The following ZBTB20 variants were observed in gnomAD, a reference collection of about 807,000 sequenced individuals.
ZBTB20 encodes zinc finger and BTB domain-containing protein 20.
Under a neutral mutation model 56.9 loss-of-function variants are expected in ZBTB20, and 9 were observed. The observed-to-expected ratio is 0.16, with a 90% confidence interval of 0.10 to 0.28. ZBTB20 has a LOEUF of 0.28. Ranked by LOEUF, ZBTB20 falls within the 10% of genes least tolerant of loss-of-function variation. The pLI is 1.00. For synonymous variants in ZBTB20, 417 were observed against 420.7 expected (o/e 0.99, Z 0.11); for missense variants, 655 against 1,003.0 (o/e 0.65, Z 4.69).
At chr3:114,815,272 A>G (rs1160216526) in intron 4 of ZBTB20, among the ~76,000 whole-genome samples, 3 of 152,222 alleles carry the variant, frequency 2.0e-5, no homozygotes, top group Non-Finnish European at 4.4e-5. Context: ...GGCTATACAT[A>G]ACACATTTTT....
At chr3:114,447,358 G>A (rs2091332923) in intron 7 of ZBTB20, among the ~76,000 whole-genome samples, 2 of 152,170 alleles carry the variant, frequency 1.3e-5, no homozygotes, top group African/African-American at 4.8e-5. Context: ...TAGCTTGGAA[G>A]ATTTGCAATG....
intron 4 of ZBTB20, among the ~76,000 whole-genome samples, chr3:114,844,330 AATATATATATATATAT>A (rs71146341): frequency 0.04 from 3,950 of 99,218 alleles, 145 homozygotes; most frequent in Non-Finnish European, 0.045. Context: ...TACTGGAGTA[AATATATATATATATAT>A]ATATATATAT....
chr3:114,631,202 A>G (rs1050344442), intron 6 of ZBTB20, among the ~76,000 whole-genome samples: 2 of 152,016 alleles, frequency 1.3e-5, no homozygotes, highest in African/African-American at 4.8e-5. Context: ...CAGAATCTCA[A>G]CTAAGTGGGT....
At chr3:115,093,582 C>A (rs2083277453) in intron 1 of ZBTB20, among the ~76,000 whole-genome samples, 1 of 152,186 alleles carries the variant, frequency 6.6e-6, no homozygotes, top group Non-Finnish European at 1.5e-5. Context: ...AAAGGAAACA[C>A]ACGCACACTT....
chr3:114,705,194 C>T (rs2063641745), intron 5 of ZBTB20, among the ~76,000 whole-genome samples: 1 of 152,104 alleles, frequency 6.6e-6, no homozygotes, highest in Admixed American at 6.6e-5. Context: ...ACTAACCCTT[C>T]CCTCACCACC....
At chr3:115,129,348 A>G (rs2084433926) in intron 1 of ZBTB20, among the ~76,000 whole-genome samples, 1 of 152,244 alleles carries the variant, frequency 6.6e-6, no homozygotes, top group South Asian at 2.1e-4. Context: ...GAATCTAGGT[A>G]TCTTTAATAG....
chr3:114,665,060 A>T (rs2060970122), intron 6 of ZBTB20, among the ~76,000 whole-genome samples: 1 of 152,118 alleles, frequency 6.6e-6, no homozygotes, highest in South Asian at 2.1e-4. Flanking sequence ...CCAGGTGTGC[A>T]GAAAGGTGCC....
intron 6 of ZBTB20, among the ~76,000 whole-genome samples, chr3:114,526,916 C>A (rs1158015979): frequency 1.3e-5 from 2 of 152,116 alleles, no homozygotes; most frequent in African/African-American, 4.8e-5. Context: ...CTCTCCAGCT[C>A]CCCCTTCTCC....
intron 2 of ZBTB20, among the ~76,000 whole-genome samples, chr3:115,033,252 G>T (rs1385957334): frequency 6.6e-6 from 1 of 151,348 alleles, no homozygotes; most frequent in Admixed American, 6.6e-5. Context: ...CAACGAATTG[G>T]ATAACCTAGT....
In ZBTB20 at chr3:114,339,165, C is replaced by T; in HGVS notation, c.2066G>A (p.Gly689Glu). The change falls in exon 12 of 12, where the codon GGG (glycine) becomes GAG (glutamate). Residue 689 changes from glycine to glutamate, a missense_variant. Gly to Glu is a moderately conservative substitution (Grantham distance 98). Transcript: ENST00000675478. This position sits in a 1 kb window ranked among gnomAD's most constrained non-coding sequence, Gnocchi z 4.2. ...TGGGGGTGTGCCTGCAGGGGGGGTC[C>T]CATTGCTGGCACTGTGCAGGGCCAC... Reference protein sequence around the residue: ...RHVALHSASNGTPPAGTPPGA... With the variant: ...RHVALHSASNETPPAGTPPGA... 3 of 1,614,094 alleles carry T rather than the reference C, an allele frequency of 1.9e-6. No individual in the cohort carries two copies. The highest frequency in any genetic ancestry group is 2.5e-6 in the Non-Finnish European group (3 of 1,179,946).
intron 2 of ZBTB20, among the ~76,000 whole-genome samples, chr3:115,038,201 A>C (rs2081005996): frequency 6.6e-6 from 1 of 152,226 alleles, no homozygotes; most frequent in East Asian, 1.9e-4. Context: ...CGTTAGCTCT[A>C]AGGTGGGTTA....
chr3:114,672,762 C>T (rs1242366132), intron 6 of ZBTB20, among the ~76,000 whole-genome samples: 2 of 152,160 alleles, frequency 1.3e-5, no homozygotes, highest in African/African-American at 2.4e-5. Flanking sequence ...TATAGTCCAG[C>T]CTCTGCCAAA....
chr3:114,789,320 G>T (rs569630536), intron 5 of ZBTB20, among the ~76,000 whole-genome samples: 5 of 152,252 alleles, frequency 3.3e-5, no homozygotes, highest in Admixed American at 1.3e-4. Flanking sequence ...CAGAAAAATG[G>T]TTTCCAATGT....
At chr3:114,959,215 C>T (rs369713212) in intron 3 of ZBTB20, among the ~76,000 whole-genome samples, 11 of 152,134 alleles carry the variant, frequency 7.2e-5, no homozygotes, top group African/African-American at 2.6e-4. Flanking sequence ...TTGTATAAGG[C>T]TTATCTTCAA....
At chr3:114,804,120 A>C (rs1442122765) in intron 4 of ZBTB20, among the ~76,000 whole-genome samples, 1 of 151,950 alleles carries the variant, frequency 6.6e-6, no homozygotes, top group East Asian at 1.9e-4. Flanking sequence ...TACATTCTGC[A>C]CTCCTTAAAG....
chr3:114,803,650 G>C (rs1332180559), intron 4 of ZBTB20, among the ~76,000 whole-genome samples: 2 of 151,856 alleles, frequency 1.3e-5, no homozygotes, highest in Non-Finnish European at 2.9e-5. Context: ...GGGGTTATCA[G>C]GTAGAATTGC....
intron 5 of ZBTB20, among the ~76,000 whole-genome samples, chr3:114,748,311 TTTCTTTCTTTCTTTCTTTCTTTC>T (rs1391296259): frequency 1.4e-5 from 2 of 138,298 alleles, no homozygotes; most frequent in African/African-American, 5.8e-5. Flanking sequence ...TCTTTCTTTC[TTTCTTTCTTTCTTTCTTTCTTTC>T]TTCTTTCTTT....
intron 3 of ZBTB20, among the ~76,000 whole-genome samples, chr3:114,964,712 G>A (rs911227757): frequency 6.6e-6 from 1 of 152,146 alleles, no homozygotes; most frequent in Non-Finnish European, 1.5e-5. Flanking sequence ...GATGGGAAGA[G>A]ATATGGGAGT....
rs549295050 is a variant in ZBTB20, at chr3:114,593,092, C to CA, written c.-294-92702dup. Among the ~76,000 whole-genome samples the CA allele has an allele frequency of 2.4e-3, 369 of 152,238 alleles. 3 individuals carry two copies. Among genetic ancestry groups the CA allele is most frequent in the African/African-American group, 8.4e-3 (351 of 41,550 alleles). On this transcript the variant is annotated intron_variant, in intron 6 of 11. Transcript: ENST00000675478. Reference sequence around the variant, plus strand: ...ATTATGGAGACATGTACAGCTATCTCAAAGGCTTATTTTTCCAAAAGGAAC... The same window carrying CA: ...ATTATGGAGACATGTACAGCTATCTCAAAAGGCTTATTTTTCCAAAAGGAAC...
Sources: allele counts gnomAD v4.1 joint callset (sites outside exome capture counted in the v4.1 genomes callset), GRCh38; gene constraint gnomAD v4.1.1; non-coding constraint Gnocchi (gnomAD v3.1); transcripts MANE v1.5; gene names NCBI Gene and HGNC (gene_info 2026-07-23, HGNC 2026-07-21).